The following CFTR variants were observed in gnomAD, a reference collection of about 807,000 sequenced individuals.
CFTR encodes CF transmembrane conductance regulator.
CFTR carries 181 observed loss-of-function variants against 171.6 expected under a neutral mutation model. The ratio of observed to expected loss-of-function variants is 1.05; its 90% confidence interval spans 0.93 to 1.19. The LOEUF is 1.19. CFTR is among the 50% of genes most tolerant of loss of function. The pLI is 0.00. For missense variants in CFTR, 1,968 were observed against 1,734.7 expected (o/e 1.13, Z -2.39); for synonymous variants, 583 against 608.0 (o/e 0.96, Z 0.60).
At chr7:117,663,276 A>G (rs543225085) in intron 24 of CFTR, among the ~76,000 whole-genome samples, 3 of 152,284 alleles carry the variant, frequency 2.0e-5, no homozygotes, top group African/African-American at 7.2e-5. Context: ...CCCTTTATTC[A>G]TATTCTCAGC....
chr7:117,592,109 G>A lies in CFTR; in HGVS notation c.1942G>A (p.Asp648Asn), dbSNP rs757356196. ...CTTTAGCTCAAAACTCATGGGATGT[G>A]ATTCTTTCGACCAATTTAGTGCAGA... ...PDFSSKLMGC[D>N]SFDQFSAERR... The change falls in exon 14 of 27, where the codon GAT becomes AAT. Residue 648 changes from aspartate to asparagine, a missense_variant. Asp to Asn is a conservative substitution (Grantham distance 23). Transcript: ENST00000003084. 3 of 1,614,062 alleles carry A rather than the reference G, an allele frequency of 1.9e-6. No individual in the cohort carries two copies. Among genetic ancestry groups the A allele is most frequent in the East Asian group, 4.5e-5 (2 of 44,868 alleles).
chr7:117,536,622 A>T lies in CFTR; in HGVS notation c.818A>T (p.Lys273Met), dbSNP rs756036343. The change falls in exon 7 of 27, where the codon AAG (lysine) becomes ATG (methionine). Residue 273 changes from lysine to methionine, a missense_variant. Lys to Met is a moderately conservative substitution (Grantham distance 95). Transcript: ENST00000003084. Reference protein sequence around the residue: ...SEMIENIQSVKAYCWEEAMEK... With the variant: ...SEMIENIQSVMAYCWEEAMEK... ...ATGATTGAAAATATCCAATCTGTTA[A>T]GGCATACTGCTGGGAAGAAGCAATG... is the stretch of plus-strand genomic sequence containing the variant. 1.9e-6 allele frequency: 3 copies of T among 1,611,532 alleles called. No individual in the cohort carries two copies. The South Asian group carries it at 3.3e-5, about 18-fold the overall frequency.
intron 3 of CFTR, among the ~76,000 whole-genome samples, chr7:117,518,459 T>A (rs1798632847): frequency 6.8e-6 from 1 of 147,446 alleles, no homozygotes; most frequent in South Asian, 2.1e-4. Flanking sequence ...CATATACATA[T>A]GTGTATATAT....
rs1793409161 is a variant in CFTR, at chr7:117,667,746, C to T, written c.*638C>T. 1 of 164,296 alleles carries T rather than the reference C, an allele frequency of 6.1e-6. No individual in the cohort carries two copies. Among genetic ancestry groups the T allele is most frequent in the African/African-American group, 2.4e-5 (1 of 41,480 alleles). The allele number at this position is 164,296 out of a possible 1,614,324, so 10.2% of individuals were successfully genotyped here. A position where few individuals can be genotyped will look rare whatever the true frequency, so the allele number is the denominator to read the frequency against. ...AGTCAGGAAAGAGAACTTCCAGATC[C>T]TGGAAATCAGGGTTAGTATTGTCCA... On this transcript the variant is annotated 3_prime_UTR_variant, in exon 27 of 27. Coordinates refer to ENST00000003084, the MANE Select transcript of CFTR (RefSeq NM_000492.4).
chr7:117,532,653 T>C (rs1053432955), intron 4 of CFTR, among the ~76,000 whole-genome samples: 26 of 152,300 alleles, frequency 1.7e-4, no homozygotes, highest in African/African-American at 5.8e-4. Context: ...TGTCCATATG[T>C]AACATTTAGC....
At chr7:117,574,939 A>G (rs548914824) in intron 11 of CFTR, among the ~76,000 whole-genome samples, 11 of 151,920 alleles carry the variant, frequency 7.2e-5, no homozygotes, top group African/African-American at 1.9e-4. Flanking sequence ...ATTCTATTTC[A>G]TTCTTTTTTC....
At chr7:117,637,289 G>A (rs1346051696) in intron 22 of CFTR, among the ~76,000 whole-genome samples, 4 of 151,832 alleles carry the variant, frequency 2.6e-5, no homozygotes, top group African/African-American at 9.7e-5. Context: ...GATGTGCTGG[G>A]TAAAAGGAAC....
chr7:117,557,808 T>C (rs1799384432), intron 10 of CFTR, among the ~76,000 whole-genome samples: 1 of 152,144 alleles, frequency 6.6e-6, no homozygotes, highest in East Asian at 1.9e-4. Context: ...TGAAGTCTTT[T>C]CCTCTTAATA....
intron 21 of CFTR, among the ~76,000 whole-genome samples, 173 bp from the exon 22 acceptor site, chr7:117,627,349 A>G (rs977443108): frequency 2.6e-5 from 4 of 152,154 alleles, no homozygotes; most frequent in African/African-American, 7.2e-5. Flanking sequence ...CTCTTCAGTT[A>G]AACTTTTAAT....
Position 117,665,320 on chromosome 7 carries a change from G to C in CFTR, c.4137-139G>C, listed in dbSNP as rs4727855. 1.4e-5 allele frequency: 9 copies of C among 634,990 alleles called. No individual in the cohort carries two copies. The Admixed American group carries it at 1.9e-4, about 14-fold the overall frequency. 39.3% of individuals were successfully genotyped at this position (634,990 alleles called of 1,614,324 possible). On this transcript the variant is annotated intron_variant, in intron 25 of 26. Transcript: ENST00000003084. ...GGTTGAAAAGCTGATTGTGGCTAAC[G>C]CTATATCAACATTATGTGAAAAGAA...
chr7:117,562,763 A>G (rs116900477), intron 11 of CFTR, among the ~76,000 whole-genome samples: 2,038 of 152,298 alleles, frequency 0.013, 18 homozygotes, highest in Non-Finnish European at 0.023. Flanking sequence ...ACAGAAGCCT[A>G]GCTGATGGCT....
At chr7:117,519,443 C>A (rs1369736018) in intron 3 of CFTR, among the ~76,000 whole-genome samples, 1 of 152,058 alleles carries the variant, frequency 6.6e-6, no homozygotes, top group East Asian at 1.9e-4. Flanking sequence ...TATAAGCCAG[C>A]ATTCATTGTA....
Position 117,611,805 on chromosome 7 carries a change from AC to A in CFTR, c.3365del (p.Thr1122LysfsTer12). 6.2e-7 allele frequency: 1 copy of A among 1,604,272 alleles called. No homozygotes were observed. Among genetic ancestry groups the A allele is most frequent in the Middle Eastern group, 1.7e-4 (1 of 6,050 alleles). On this transcript the variant is annotated frameshift_variant and splice_region_variant, in exon 20 of 27. Coordinates refer to ENST00000003084, the MANE Select transcript of CFTR (RefSeq NM_000492.4). LOFTEE classifies it high-confidence loss of function. ...IAVTFISILT[T>X]GEGEGRVGII... ...TGTTACCTTCATTTCCATTTTAACAACAGGTACTATGAACTCATTAACTTTA... is the reference window on the plus strand; with the variant it reads ...TGTTACCTTCATTTCCATTTTAACAAAGGTACTATGAACTCATTAACTTTA...
At chr7:117,614,426 T>C (rs1470721757) in intron 20 of CFTR, among the ~76,000 whole-genome samples, 187 bp from the exon 21 acceptor site, 1 of 152,176 alleles carries the variant, frequency 6.6e-6, no homozygotes, top group Admixed American at 6.6e-5. Context: ...GTTGAATACT[T>C]ACTATATGCA....
chr7:117,635,161 G>A (rs1198457562), intron 22 of CFTR, among the ~76,000 whole-genome samples: 1 of 152,082 alleles, frequency 6.6e-6, no homozygotes, highest in Non-Finnish European at 1.5e-5. Flanking sequence ...TGAAGAATTG[G>A]TATGTCTTTT....
chr7:117,593,812 T>C (rs1205800539), intron 14 of CFTR, among the ~76,000 whole-genome samples: 2 of 152,164 alleles, frequency 1.3e-5, no homozygotes, highest in Non-Finnish European at 2.9e-5. Context: ...ACCAGGCTGG[T>C]CTTGAACTCC....
chr7:117,542,214 T>C, intron 9 of CFTR, 106 bp downstream of exon 9: 1 of 697,142 alleles, frequency 1.4e-6, no homozygotes, highest in Non-Finnish European at 2.7e-6. Flanking sequence ...ATGATATAAC[T>C]GGTAGAACTG....
chr7:117,655,681 C>G (rs575904510), intron 24 of CFTR, among the ~76,000 whole-genome samples: 62 of 152,280 alleles, frequency 4.1e-4, no homozygotes, highest in Non-Finnish European at 4.4e-4. Flanking sequence ...GTATTTGTTA[C>G]AGCAGTACCC....
chr7:117,656,415 A>AC (rs144673622), intron 24 of CFTR, among the ~76,000 whole-genome samples: 210 of 152,288 alleles, frequency 1.4e-3, no homozygotes, highest in African/African-American at 4.8e-3. Flanking sequence ...ATGCCATATG[A>AC]CCTAGATGAG....
Sources: gnomAD v4.1 joint callset for allele counts (sites outside exome capture counted in the v4.1 genomes callset) on GRCh38, gnomAD v4.1.1 for gene constraint, MANE v1.5 for transcripts, NCBI Gene and HGNC (gene_info 2026-07-23, HGNC 2026-07-21) for gene names.